The following GAB2 variants were observed in gnomAD, a reference collection of about 807,000 sequenced individuals.
The protein encoded by GAB2 is GRB2 associated binding protein 2, also known as GRB2-associated-binding protein 2.
In GAB2, 26 loss-of-function variants were observed where a neutral mutation model predicts 65.5. The ratio of observed to expected loss-of-function variants is 0.40; its 90% CI spans 0.29 to 0.55. GAB2 has a LOEUF of 0.55. Ranked by LOEUF, GAB2 falls within the 20% of genes least tolerant of loss-of-function variation. The pLI is 0.53. For synonymous variants in GAB2, 321 were observed against 329.6 expected, an observed-to-expected ratio of 0.97 and a Z score of 0.28; for missense variants, 884 against 875.8, an observed-to-expected ratio of 1.01 and a Z score of -0.12.
chr11:78,355,649 C>A (rs889286878), intron 1 of GAB2, among the ~76,000 whole-genome samples: 1 of 139,080 alleles, frequency 7.2e-6, no homozygotes, highest in Non-Finnish European at 1.5e-5. Flanking sequence ...CGCTCTTCAG[C>A]CTGGGAAACA....
intron 1 of GAB2, among the ~76,000 whole-genome samples, chr11:78,381,775 G>C (rs1426121670): frequency 1.3e-5 from 2 of 152,094 alleles, no homozygotes; most frequent in Non-Finnish European, 2.9e-5. Context: ...TGTACATATA[G>C]AGTCACCATG....
intron 4 of GAB2, 96 bp from the exon 5 acceptor site, chr11:78,225,298 A>G: frequency 1.3e-6 from 1 of 748,034 alleles, no homozygotes; most frequent in East Asian, 2.6e-5. Context: ...TCTTACTGAT[A>G]CTCCAGAAGA....
intron 2 of GAB2, among the ~76,000 whole-genome samples, chr11:78,255,625 A>G (rs544645351): frequency 3.8e-4 from 58 of 152,248 alleles, no homozygotes; most frequent in African/African-American, 1.3e-3. Flanking sequence ...CTCACTTTCC[A>G]CATCAGTTGG....
chr11:78,340,748 A>G (rs10899476), intron 1 of GAB2, among the ~76,000 whole-genome samples: 24,606 of 152,192 alleles, frequency 0.16, 2,608 homozygotes, highest in East Asian at 0.41. Context: ...GTACTTACAC[A>G]TAAATTCTCA....
intron 1 of GAB2, among the ~76,000 whole-genome samples, chr11:78,407,310 G>GA (rs1206921326): frequency 2.6e-5 from 4 of 151,688 alleles, no homozygotes; most frequent in Non-Finnish European, 5.9e-5. Context: ...AAAATAAAGA[G>GA]AAAAAAAATC....
intron 1 of GAB2, among the ~76,000 whole-genome samples, chr11:78,323,105 T>A (rs940806361): frequency 6.6e-6 from 1 of 152,126 alleles, no homozygotes; most frequent in Non-Finnish European, 1.5e-5. Flanking sequence ...TTAAAATGTA[T>A]AGTACATATA....
intron 1 of GAB2, among the ~76,000 whole-genome samples, chr11:78,380,083 T>C (rs956138281): frequency 6.6e-6 from 1 of 152,246 alleles, no homozygotes; most frequent in Non-Finnish European, 1.5e-5. Context: ...TACTTTTCTT[T>C]TTTGTGTATG....
rs1308382622 is a variant in GAB2 at position 78,265,453 on chromosome 11, A to G, written c.377-15053T>C. 2.0e-5 allele frequency among the ~76,000 whole-genome samples: 3 copies of G among 152,142 alleles called. No homozygotes were observed. The East Asian group carries it at 5.8e-4, about 29-fold the overall frequency. On this transcript the variant is annotated intron_variant, in intron 2 of 9. Transcript: ENST00000361507. ...ACGCTTTGAGATCTCGTATTCTAGA[A>G]GTTTCTCATTCTATGAAATCTATTC...
intron 1 of GAB2, among the ~76,000 whole-genome samples, chr11:78,411,538 G>A (rs951940957): frequency 6.6e-5 from 10 of 152,148 alleles, no homozygotes; most frequent in African/African-American, 2.4e-4. Context: ...AGAGACAACA[G>A]AAACAGACCC....
intron 1 of GAB2, among the ~76,000 whole-genome samples, chr11:78,358,255 TG>T (rs1459214524): frequency 1.1e-4 from 13 of 118,568 alleles, no homozygotes; most frequent in Non-Finnish European, 2.1e-4. Flanking sequence ...TGAGAACACT[TG>T]GACACAGGAA....
chr11:78,266,693 C>T (rs1865884815), intron 2 of GAB2, among the ~76,000 whole-genome samples: 1 of 152,152 alleles, frequency 6.6e-6, no homozygotes, highest in Non-Finnish European at 1.5e-5. Context: ...AAGCCCAGAA[C>T]CTCTTAGAAG....
At chr11:78,240,459 G>C (rs1051016097) in intron 3 of GAB2, among the ~76,000 whole-genome samples, 1 of 152,130 alleles carries the variant, frequency 6.6e-6, no homozygotes, top group Admixed American at 6.5e-5. Context: ...CTAGTGCCTT[G>C]CTTTCCTGGA....
rs1864207115 is a variant in GAB2, at chr11:78,217,501, G to A, written c.*1771C>T. 1 of 152,362 alleles carries A rather than the reference G, an allele frequency of 6.6e-6. No individual in the cohort carries two copies. The highest frequency in any genetic ancestry group is 2.1e-4 in the South Asian group (1 of 4,834). The allele number at this position is 152,362 out of a possible 1,614,324, so 9.4% of individuals were successfully genotyped here. On this transcript the variant is annotated 3_prime_UTR_variant, in exon 10 of 10. Transcript: ENST00000361507. ...AGCTGAAAGGGGAATGGGGGCAGAG[G>A]ACAGTGGTAGCTGTCCCCATCAAAC...
At chr11:78,321,705 C>T (rs1855727510) in intron 1 of GAB2, among the ~76,000 whole-genome samples, 1 of 152,080 alleles carries the variant, frequency 6.6e-6, no homozygotes, top group African/African-American at 2.4e-5. Context: ...ACATGTTCTT[C>T]AGAGATGGAG....
At chr11:78,293,775 A>T (rs1249059996) in intron 1 of GAB2, among the ~76,000 whole-genome samples, 1 of 152,190 alleles carries the variant, frequency 6.6e-6, no homozygotes, top group Non-Finnish European at 1.5e-5. Context: ...TATTTCCCTG[A>T]AGTTGCAGGA....
chr11:78,327,081 A>G (rs1855835737), intron 1 of GAB2, among the ~76,000 whole-genome samples: 1 of 152,184 alleles, frequency 6.6e-6, no homozygotes, highest in South Asian at 2.1e-4. Context: ...GCGCAAATGC[A>G]TCATGTCTAT....
At chr11:78,414,737 TCTTATA>T (rs779297301) in intron 1 of GAB2, among the ~76,000 whole-genome samples, 3 of 152,172 alleles carry the variant, frequency 2.0e-5, no homozygotes, top group African/African-American at 2.4e-5. Flanking sequence ...CAGATAGGTC[TCTTATA>T]CTTATACTTA....
chr11:78,385,024 T>G (rs1447758999), intron 1 of GAB2, among the ~76,000 whole-genome samples: 1 of 152,186 alleles, frequency 6.6e-6, no homozygotes, highest in African/African-American at 2.4e-5. Flanking sequence ...GACTGCCATC[T>G]CTCTAGGGTT....
intron 1 of GAB2, among the ~76,000 whole-genome samples, chr11:78,323,127 A>T (rs1048413077): frequency 6.6e-6 from 1 of 152,224 alleles, no homozygotes; most frequent in African/African-American, 2.4e-5. Flanking sequence ...ACCATGGAAT[A>T]CTACACAGCT....
Sources: allele counts gnomAD v4.1 joint callset (sites outside exome capture counted in the v4.1 genomes callset), GRCh38; gene constraint gnomAD v4.1.1; transcripts MANE v1.5; gene names NCBI Gene and HGNC (gene_info 2026-07-23, HGNC 2026-07-21).